The following OXCT1 variants were observed in gnomAD, a reference collection of about 807,000 sequenced individuals.
OXCT1 encodes succinyl-CoA:3-ketoacid coenzyme A transferase 1, mitochondrial.
OXCT1 carries 27 observed loss-of-function variants against 69.6 expected under a neutral mutation model. That is an observed-to-expected ratio of 0.39 (90% CI 0.29 to 0.54). OXCT1 has a LOEUF of 0.54. OXCT1 is among the 20% of genes least tolerant of loss of function. OXCT1 has a pLI of 0.72. For synonymous variants in OXCT1, 202 were observed against 217.8 expected, an observed-to-expected ratio of 0.93 and a Z score of 0.64; for missense variants, 437 against 650.2, an observed-to-expected ratio of 0.67 and a Z score of 3.57.
chr5:41,785,862 G>A (rs985919283), intron 13 of OXCT1, among the ~76,000 whole-genome samples: 1 of 152,206 alleles, frequency 6.6e-6, no homozygotes, highest in Non-Finnish European at 1.5e-5. Context: ...GAAGGGGTAA[G>A]GGTATGCCTG....
At chr5:41,754,985 A>G (rs1743988403) in intron 14 of OXCT1, among the ~76,000 whole-genome samples, 4 of 152,046 alleles carry the variant, frequency 2.6e-5, no homozygotes, top group Admixed American at 2.6e-4. Context: ...GTATCATAAA[A>G]ATCATTATCA....
In OXCT1 at chr5:41,801,690, C is replaced by T. The variant is rs1227825941; in HGVS notation, c.1051-620G>A. Among the ~76,000 whole-genome samples the T allele has an allele frequency of 2.6e-5, 4 of 152,090 alleles. No individual in the cohort carries two copies. The East Asian group carries it at 7.8e-4, about 29-fold the overall frequency. ...AGCTTTCTGATTTGTAAAATGTAGG[C>T]CTGAATTTGGGTTTCTAATCTTACT... On this transcript the variant is annotated intron_variant, in intron 10 of 16. Transcript: ENST00000196371.
chr5:41,823,431 G>A (rs1747659422), intron 7 of OXCT1, among the ~76,000 whole-genome samples: 1 of 152,088 alleles, frequency 6.6e-6, no homozygotes, highest in African/African-American at 2.4e-5. Flanking sequence ...GTCCACATGA[G>A]CCTCCAACAA....
intron 13 of OXCT1, among the ~76,000 whole-genome samples, chr5:41,789,807 T>C (rs1745826921): frequency 6.6e-6 from 1 of 152,216 alleles, no homozygotes; most frequent in African/African-American, 2.4e-5. Flanking sequence ...TATATTTAAA[T>C]ATCTATATTT....
chr5:41,861,477 CTT>C, intron 2 of OXCT1, 73 bp from the exon 3 acceptor site: 1 of 915,100 alleles, frequency 1.1e-6, no homozygotes, highest in Non-Finnish European at 1.8e-6. Flanking sequence ...GTGTGTTATT[CTT>C]TTTAAAAGGG....
chr5:41,795,734 CA>C (rs1042580097), intron 11 of OXCT1, among the ~76,000 whole-genome samples: 56 of 151,744 alleles, frequency 3.7e-4, no homozygotes, highest in African/African-American at 1.4e-3. Context: ...GTTCTCACTA[CA>C]AAAAAAGGTA....
At chr5:41,749,479 A>G (rs1483858619) in intron 15 of OXCT1, 48 bp downstream of exon 15, 1 of 1,249,902 alleles carries the variant, frequency 8.0e-7, no homozygotes, top group African/African-American at 1.5e-5. Context: ...AAAACTTTCT[A>G]AAAATGCTTA....
At chr5:41,779,169 A>C (rs923701689) in intron 13 of OXCT1, among the ~76,000 whole-genome samples, 3 of 152,220 alleles carry the variant, frequency 2.0e-5, no homozygotes, top group Non-Finnish European at 4.4e-5. Flanking sequence ...TTTTTTTCTA[A>C]GTATTCAAAA....
chr5:41,761,333 C>T (rs969130134), intron 14 of OXCT1, among the ~76,000 whole-genome samples: 1 of 152,096 alleles, frequency 6.6e-6, no homozygotes, highest in Non-Finnish European at 1.5e-5. Context: ...CTTAACCTCT[C>T]TAAAGCTCTG....
chr5:41,757,842 T>C (rs1744159343), intron 14 of OXCT1, among the ~76,000 whole-genome samples: 1 of 152,110 alleles, frequency 6.6e-6, no homozygotes, highest in African/African-American at 2.4e-5. Context: ...CCTTAAGTTC[T>C]GCGGGCAAGG....
At chr5:41,805,165 G>A (rs1385022666) in intron 9 of OXCT1, among the ~76,000 whole-genome samples, 1 of 151,956 alleles carries the variant, frequency 6.6e-6, no homozygotes, top group African/African-American at 2.4e-5. Context: ...TAAGAAGTTG[G>A]ATCTTTCAAT....
At chr5:41,793,791 T>C (rs1367325766) in intron 13 of OXCT1, among the ~76,000 whole-genome samples, 1 of 152,230 alleles carries the variant, frequency 6.6e-6, no homozygotes, top group African/African-American at 2.4e-5. Context: ...GTTTCGGCTC[T>C]GACCTTGCCT....
At chr5:41,802,864 A>T (rs1483244443) in intron 10 of OXCT1, among the ~76,000 whole-genome samples, 1 of 152,126 alleles carries the variant, frequency 6.6e-6, no homozygotes. Flanking sequence ...AAGCTTGGGC[A>T]CTTTATGCAA....
chr5:41,736,339 C>T (rs533323158), intron 16 of OXCT1, among the ~76,000 whole-genome samples: 1 of 152,320 alleles, frequency 6.6e-6, no homozygotes, highest in African/African-American at 2.4e-5. Flanking sequence ...CAAGATACTG[C>T]CCTCCGATGG....
At chr5:41,744,431 CT>C (rs1264066875) in intron 15 of OXCT1, among the ~76,000 whole-genome samples, 1 of 152,140 alleles carries the variant, frequency 6.6e-6, no homozygotes, top group Non-Finnish European at 1.5e-5. Flanking sequence ...TTGACTTCCT[CT>C]TTTCCTAATT....
At chr5:41,814,381 G>A (rs779494010) in intron 7 of OXCT1, among the ~76,000 whole-genome samples, 3 of 152,034 alleles carry the variant, frequency 2.0e-5, no homozygotes, top group Admixed American at 6.6e-5. Context: ...TATTAAACAT[G>A]ACAGAAATAT....
intron 13 of OXCT1, among the ~76,000 whole-genome samples, chr5:41,780,196 AC>A (rs1745329595): frequency 1.3e-5 from 2 of 152,220 alleles, no homozygotes; most frequent in African/African-American, 4.8e-5. Context: ...ATGCAAATTA[AC>A]AAAATTGCCA....
At chr5:41,767,228 C>T (rs1744647656) in intron 13 of OXCT1, among the ~76,000 whole-genome samples, 1 of 152,060 alleles carries the variant, frequency 6.6e-6, no homozygotes, top group African/African-American at 2.4e-5. Flanking sequence ...TTTCTCTTTT[C>T]TGTGTTACAC....
intron 15 of OXCT1, among the ~76,000 whole-genome samples, chr5:41,746,979 A>AT (rs575732184): frequency 1.3e-4 from 20 of 152,130 alleles, no homozygotes; most frequent in South Asian, 4.1e-4. Context: ...GAATTTTGAG[A>AT]TTTTTTGCCT....
Sources: gnomAD v4.1 joint callset for allele counts (sites outside exome capture counted in the v4.1 genomes callset) on GRCh38, gnomAD v4.1.1 for gene constraint, MANE v1.5 for transcripts, NCBI Gene and HGNC (gene_info 2026-07-23, HGNC 2026-07-21) for gene names.